Variants in KCNB2 observed in about 807,000 individuals in gnomAD.
KCNB2 encodes potassium voltage-gated channel subfamily B member 2, also known as delayed rectifier potassium channel protein.
Under a neutral mutation model 61.5 loss-of-function variants are expected in KCNB2, and 15 were observed. The ratio of observed to expected loss-of-function variants is 0.24; its 90% confidence interval spans 0.16 to 0.38. The LOEUF (loss-of-function observed/expected upper bound fraction) is 0.38. KCNB2 is among the 10% of genes least tolerant of loss of function. The probability of loss-of-function intolerance (pLI) is 1.00; values close to 1 mark genes in which losing one functional copy is unlikely to be tolerated. For missense variants in KCNB2, 828 were observed against 1,125.2 expected (o/e 0.74, Z 3.78); for synonymous variants, 457 against 446.0 (o/e 1.02, Z -0.31).
intron 2 of KCNB2, among the ~76,000 whole-genome samples, chr8:72,767,233 CCTTT>C (rs985571516): frequency 1.3e-5 from 2 of 152,074 alleles, no homozygotes; most frequent in Non-Finnish European, 2.9e-5. Context: ...CGTGCTAGTT[CCTTT>C]CTTTCTTTTT....
chr8:72,821,641 CAAAAAAA>C (rs61090576), intron 2 of KCNB2, among the ~76,000 whole-genome samples: 1 of 125,754 alleles, frequency 8.0e-6, no homozygotes, highest in African/African-American at 2.9e-5. Context: ...CAAAAAAAAA[CAAAAAAA>C]AAAAAAAAAA....
chr8:72,566,322 G>A (rs1806624723), intron 1 of KCNB2, among the ~76,000 whole-genome samples: 2 of 152,162 alleles, frequency 1.3e-5, no homozygotes, highest in Non-Finnish European at 2.9e-5. Context: ...TTGTATCTTA[G>A]CAGAGCATTC....
intron 2 of KCNB2, among the ~76,000 whole-genome samples, chr8:72,892,665 A>T (rs1392627775): frequency 6.6e-6 from 1 of 152,188 alleles, no homozygotes; most frequent in Non-Finnish European, 1.5e-5. Context: ...CACGACCAGA[A>T]TTCAAACCCA....
chr8:72,891,353 G>A lies in KCNB2; in HGVS notation c.580-44582G>A, dbSNP rs184944918. Among the ~76,000 whole-genome samples the A allele has an allele frequency of 1.6e-3, 239 of 152,284 alleles. 1 individual carries two copies. Among genetic ancestry groups the A allele is most frequent in the African/African-American group, 5.4e-3 (223 of 41,576 alleles). On this transcript the variant is annotated intron_variant, in intron 2 of 2. Coordinates refer to ENST00000523207, the MANE Select transcript of KCNB2 (RefSeq NM_004770.3). ...TACAGTATAGTTGTGGGTTATGCAG[G>A]ATGCGTTCCATAAAGCTCCACCACT... is the stretch of plus-strand genomic sequence containing the variant.
chr8:72,841,158 G>A (rs948001686), intron 2 of KCNB2, among the ~76,000 whole-genome samples: 3 of 152,014 alleles, frequency 2.0e-5, no homozygotes, highest in Admixed American at 6.6e-5. Flanking sequence ...TATTAAATGG[G>A]GAATCTTTTC....
chr8:72,892,716 T>C (rs780688500), intron 2 of KCNB2, among the ~76,000 whole-genome samples: 8 of 152,172 alleles, frequency 5.3e-5, no homozygotes, highest in Non-Finnish European at 8.8e-5. Flanking sequence ...CCTTCTCCTA[T>C]ACTACTTCTT....
intron 2 of KCNB2, among the ~76,000 whole-genome samples, chr8:72,898,715 A>G (rs1013777079): frequency 3.3e-5 from 5 of 152,118 alleles, no homozygotes; most frequent in Non-Finnish European, 7.4e-5. Context: ...GGTTTGTTAC[A>G]TGGGTATATT....
intron 2 of KCNB2, among the ~76,000 whole-genome samples, chr8:72,842,116 AT>A (rs1809901392): frequency 4.6e-5 from 7 of 151,668 alleles, no homozygotes; most frequent in Admixed American, 1.3e-4. Flanking sequence ...TACCTAGTTT[AT>A]TGAGAGTTGA....
Position 72,742,321 on chromosome 8 carries a change from G to A in KCNB2, c.579+174008G>A, listed in dbSNP as rs115446775. Among the ~76,000 whole-genome samples the A allele has an allele frequency of 6.6e-3, 1,009 of 152,232 alleles. 12 individuals carry two copies. The highest frequency in any genetic ancestry group is 0.022 in the African/African-American group (927 of 41,544). On this transcript the variant is annotated intron_variant, in intron 2 of 2. Coordinates refer to ENST00000523207, the MANE Select transcript of KCNB2 (RefSeq NM_004770.3). The stretch of plus-strand genomic sequence containing the variant: ...ATTCAGCACAGGTCTGTAAAAATTC[G>A]TGTAGTCTTTTTCTGAACATGTTTA...
chr8:72,698,160 C>A (rs1025562801), intron 2 of KCNB2, among the ~76,000 whole-genome samples: 4 of 152,094 alleles, frequency 2.6e-5, no homozygotes, highest in African/African-American at 9.7e-5. Context: ...AATAAAGTTT[C>A]AGGATACAAA....
chr8:72,544,080 G>A (rs1806227386), intron 1 of KCNB2, among the ~76,000 whole-genome samples: 1 of 152,208 alleles, frequency 6.6e-6, no homozygotes, highest in Non-Finnish European at 1.5e-5. Flanking sequence ...ACGTGGGATA[G>A]TCAGACAGGA....
chr8:72,757,111 C>T (rs2128996153), intron 2 of KCNB2, among the ~76,000 whole-genome samples: 1 of 152,000 alleles, frequency 6.6e-6, no homozygotes. Context: ...TTGGGGAGCG[C>T]CAATGTGCTT....
In KCNB2 at chr8:72,633,380, A is replaced by C. The variant is rs145881149; in HGVS notation, c.579+65067A>C. On this transcript the variant is annotated intron_variant, in intron 2 of 2. Transcript: ENST00000523207. Reference sequence around the variant, plus strand: ...TCCTTTTAAGGGCTCATGTGATTAGATTGGTTTCTTTTGGGTAATCCAGGA... The same window carrying C: ...TCCTTTTAAGGGCTCATGTGATTAGCTTGGTTTCTTTTGGGTAATCCAGGA... 6.7e-3 allele frequency among the ~76,000 whole-genome samples: 1,027 copies of C among 152,158 alleles called. 6 individuals carry two copies. Among genetic ancestry groups the C allele is most frequent in the Non-Finnish European group, 0.01 (689 of 68,010 alleles).
chr8:72,631,137 T>C (rs144628411), intron 2 of KCNB2, among the ~76,000 whole-genome samples: 16 of 152,344 alleles, frequency 1.1e-4, no homozygotes, highest in Non-Finnish European at 5.9e-5. Flanking sequence ...ATATGGACTC[T>C]TCCTCTCTTT....
chr8:72,602,731 C>G (rs909106535), intron 2 of KCNB2, among the ~76,000 whole-genome samples: 1 of 152,134 alleles, frequency 6.6e-6, no homozygotes, highest in African/African-American at 2.4e-5. Context: ...TGGTTGAATT[C>G]AGCTGACAGT....
At chr8:72,690,033 C>T (rs115784219) in intron 2 of KCNB2, among the ~76,000 whole-genome samples, 80 of 81,954 alleles carry the variant, frequency 9.8e-4, no homozygotes, top group African/African-American at 3.8e-3. Context: ...ACCTTGCCCT[C>T]GCCATAAAAA....
chr8:72,703,408 T>C lies in KCNB2; in HGVS notation c.579+135095T>C, dbSNP rs72668191. ...ACTGGGCAGGGGAAGAAGTTGAACT[T>C]CAACATCACTGCCACAACCTCCAGC... is the stretch of plus-strand genomic sequence containing the variant. On this transcript the variant is annotated intron_variant, in intron 2 of 2. Coordinates refer to ENST00000523207, the MANE Select transcript of KCNB2 (RefSeq NM_004770.3). Among the ~76,000 whole-genome samples, 643 of 152,282 alleles carry C rather than the reference T, an allele frequency of 4.2e-3. 2 individuals are homozygous for C. The highest frequency in any genetic ancestry group is 6.4e-3 in the Non-Finnish European group (432 of 68,022).
rs199530102 is a variant in KCNB2, at chr8:72,937,525, G to A, written c.2170G>A (p.Gly724Ser). Residue 724 changes from glycine (G) to serine (S), a missense_variant, in exon 3 of 3, where the codon GGC becomes AGC. Physicochemically the swap from Gly to Ser is moderately conservative, Grantham distance 56. Transcript: ENST00000523207. ...SLKVNFKENR[G>S]SAPQTPPSTA... ...CAAAGTGAACTTTAAGGAAAATAGA[G>A]GCAGTGCACCACAGACCCCGCCCAG... is the stretch of plus-strand genomic sequence containing the variant. The A allele has an allele frequency of 6.6e-5, 107 of 1,613,706 alleles. No homozygotes were observed. Among genetic ancestry groups the A allele is most frequent in the Non-Finnish European group, 8.8e-5 (104 of 1,179,966 alleles).
At chr8:72,589,435 C>A (rs187114967) in intron 2 of KCNB2, among the ~76,000 whole-genome samples, 15 of 152,242 alleles carry the variant, frequency 9.9e-5, no homozygotes, top group Admixed American at 9.8e-4. Context: ...TGAGTTAGAA[C>A]AGTGCCTCTC....
Sources: allele counts gnomAD v4.1 joint callset (sites outside exome capture counted in the v4.1 genomes callset), GRCh38; gene constraint gnomAD v4.1.1; transcripts MANE v1.5; gene names NCBI Gene and HGNC (gene_info 2026-07-23, HGNC 2026-07-21).